DGKB: variants seen among roughly 807,000 people sequenced by gnomAD.
The protein encoded by DGKB is diacylglycerol kinase beta, also known as 90 kDa diacylglycerol kinase.
DGKB carries 67 observed loss-of-function variants against 114.3 expected under a neutral mutation model. The observed-to-expected ratio is 0.59, with a 90% confidence interval of 0.48 to 0.72. The LOEUF (loss-of-function observed/expected upper bound fraction) is 0.72. Ranked by LOEUF, DGKB falls within the 30% of genes least tolerant of loss-of-function variation. DGKB has a pLI of 0.00. For synonymous variants in DGKB, 398 were observed against 323.1 expected (o/e 1.23, Z -2.49); for missense variants, 907 against 975.2 (o/e 0.93, Z 0.93).
chr7:14,532,128 T>A (rs2128595622), intron 20 of DGKB, among the ~76,000 whole-genome samples: 1 of 151,386 alleles, frequency 6.6e-6, no homozygotes, highest in Admixed American at 6.6e-5. Flanking sequence ...ATAGGAGAAA[T>A]TCTTCACGAC....
At chr7:14,395,073 C>G (rs1278855193) in intron 21 of DGKB, among the ~76,000 whole-genome samples, 1 of 152,050 alleles carries the variant, frequency 6.6e-6, no homozygotes, top group Admixed American at 6.5e-5. Context: ...TATTATCGAT[C>G]CTTCATTTTT....
At chr7:14,695,094 C>A (rs746514960) in intron 8 of DGKB, among the ~76,000 whole-genome samples, 1 of 152,118 alleles carries the variant, frequency 6.6e-6, no homozygotes, top group Non-Finnish European at 1.5e-5. Flanking sequence ...GGAAAAGATG[C>A]AATGCATGAA....
intron 1 of DGKB, among the ~76,000 whole-genome samples, chr7:14,919,777 C>G (rs948801243): frequency 3.3e-5 from 5 of 152,046 alleles, no homozygotes; most frequent in African/African-American, 1.2e-4. Flanking sequence ...TTGGTGCCAT[C>G]CCCTTCATGA....
chr7:14,757,867 T>C, intron 2 of DGKB, 136 bp from the exon 3 acceptor site: 1 of 522,780 alleles, frequency 1.9e-6, no homozygotes, highest in Admixed American at 3.8e-5. Flanking sequence ...ACATAAAATA[T>C]CTCTTGCCAT....
intron 6 of DGKB, among the ~76,000 whole-genome samples, chr7:14,702,581 G>A (rs1457677951): frequency 2.0e-5 from 3 of 152,178 alleles, no homozygotes; most frequent in African/African-American, 4.8e-5. Flanking sequence ...GGAGGCTGTG[G>A]AGGAGGCCAC....
chr7:14,516,957 T>A (rs1788896706), intron 20 of DGKB, among the ~76,000 whole-genome samples: 1 of 151,996 alleles, frequency 6.6e-6, no homozygotes, highest in African/African-American at 2.4e-5. Context: ...AAAAAAAAAT[T>A]TTAAATTCAT....
At chr7:14,379,226 G>A (rs753550976) in intron 21 of DGKB, among the ~76,000 whole-genome samples, 1 of 152,048 alleles carries the variant, frequency 6.6e-6, no homozygotes, top group African/African-American at 2.4e-5. Flanking sequence ...AATTCAGCGA[G>A]TGTTTGTTTT....
intron 2 of DGKB, among the ~76,000 whole-genome samples, chr7:14,798,719 C>T (rs534054638): frequency 9.2e-5 from 14 of 152,142 alleles, no homozygotes; most frequent in Non-Finnish European, 1.6e-4. Flanking sequence ...ACTTATGGTT[C>T]TCAGTGGAAT....
chr7:14,291,672 G>A (rs2128473021), intron 23 of DGKB, among the ~76,000 whole-genome samples: 1 of 152,162 alleles, frequency 6.6e-6, no homozygotes, highest in Middle Eastern at 3.4e-3. Context: ...ACAGGACCCA[G>A]ACAAAAGTCC....
At chr7:14,223,595 C>T (rs893301534) in intron 23 of DGKB, among the ~76,000 whole-genome samples, 4 of 151,510 alleles carry the variant, frequency 2.6e-5, no homozygotes, top group Non-Finnish European at 5.9e-5. Context: ...ATATCAGTGC[C>T]TTTTGTATTA....
chr7:14,551,696 C>G (rs1388176041), intron 20 of DGKB, among the ~76,000 whole-genome samples: 1 of 152,020 alleles, frequency 6.6e-6, no homozygotes, highest in Non-Finnish European at 1.5e-5. Context: ...GACTTGGCCT[C>G]AGAGACATAA....
chr7:14,832,573 C>G (rs1022133478), intron 2 of DGKB, among the ~76,000 whole-genome samples: 1 of 152,002 alleles, frequency 6.6e-6, no homozygotes, highest in Non-Finnish European at 1.5e-5. Context: ...GATAAAGACT[C>G]GGGATGCGTT....
chr7:14,735,844 GATAAATT>G (rs1393131585), intron 5 of DGKB, among the ~76,000 whole-genome samples, 190 bp downstream of exon 5: 3 of 152,018 alleles, frequency 2.0e-5, no homozygotes, highest in Non-Finnish European at 2.9e-5. Flanking sequence ...GATAGATAAG[GATAAATT>G]ATATTTTCTC....
At chr7:14,285,014 TA>T (rs1204819871) in intron 23 of DGKB, among the ~76,000 whole-genome samples, 2 of 78,428 alleles carry the variant, frequency 2.6e-5, no homozygotes, top group African/African-American at 7.1e-5. Flanking sequence ...AGTATAATAA[TA>T]AAAAAATAAA....
Position 14,689,234 on chromosome 7 carries a change from C to T in DGKB, c.712-3872G>A, listed in dbSNP as rs1271696149. 2.1e-4 allele frequency among the ~76,000 whole-genome samples: 10 copies of T among 48,160 alleles called. No individual in the cohort carries two copies. In the South Asian group the frequency reaches 9.4e-3, roughly 45 times the overall value. 31.6% of individuals were successfully genotyped at this position (48,160 alleles called of 152,430 possible). A position where few individuals can be genotyped will look rare whatever the true frequency, so the allele number is the denominator to read the frequency against. On this transcript the variant is annotated intron_variant, in intron 9 of 25. Transcript: ENST00000402815. ...TTTTTTTTTTTTTTTTGAGAGGAGT[C>T]TCGCTCTGTCGCCCAGGCTGGAGGG...
intron 21 of DGKB, among the ~76,000 whole-genome samples, chr7:14,446,599 A>G (rs1830756273): frequency 6.6e-6 from 1 of 152,160 alleles, no homozygotes; most frequent in Non-Finnish European, 1.5e-5. Context: ...ACAAAATACA[A>G]TAAAACTCAA....
At chr7:14,324,439 T>A (rs1808371779) in intron 23 of DGKB, among the ~76,000 whole-genome samples, 2 of 109,070 alleles carry the variant, frequency 1.8e-5, no homozygotes, top group Non-Finnish European at 1.9e-5. Flanking sequence ...AGAGTGAGAC[T>A]CTGTCTCAAA....
chr7:14,280,620 G>A (rs886192795), intron 23 of DGKB, among the ~76,000 whole-genome samples: 3 of 151,250 alleles, frequency 2.0e-5, no homozygotes, highest in African/African-American at 7.3e-5. Flanking sequence ...GAAAGGTCGG[G>A]TTCCCCTCAA....
At chr7:14,185,352 G>GA (rs1272203569) in intron 23 of DGKB, among the ~76,000 whole-genome samples, 2 of 151,894 alleles carry the variant, frequency 1.3e-5, no homozygotes, top group Non-Finnish European at 2.9e-5. Context: ...AAACGCTATT[G>GA]AAAAAAATCA....
Sources: gnomAD v4.1 joint callset for allele counts (sites outside exome capture counted in the v4.1 genomes callset) on GRCh38, gnomAD v4.1.1 for gene constraint, MANE v1.5 for transcripts, NCBI Gene and HGNC (gene_info 2026-07-23, HGNC 2026-07-21) for gene names.